EYS: variants seen among roughly 807,000 people sequenced by gnomAD.
The protein encoded by EYS is EGF-like photoreceptor maintenance factor, also known as protein eyes shut homolog.
EYS carries 250 observed loss-of-function variants against 282.1 expected under a neutral mutation model. That is an observed-to-expected ratio of 0.89 (90% confidence interval 0.80 to 0.98). The LOEUF (loss-of-function observed/expected upper bound fraction) is 0.98. Ranked by LOEUF, EYS falls within the 50% of genes least tolerant of loss-of-function variation. The pLI is 0.00. For missense variants in EYS, 4,016 were observed against 3,709.0 expected (o/e 1.08, Z -2.15); for synonymous variants, 1,355 against 1,282.9 (o/e 1.06, Z -1.20).
intron 35 of EYS, among the ~76,000 whole-genome samples, chr6:63,906,836 T>A (rs781320318): frequency 6.6e-6 from 1 of 151,912 alleles, no homozygotes; most frequent in Non-Finnish European, 1.5e-5. Flanking sequence ...GATATACATA[T>A]ACTATGTAAA....
chr6:64,543,570 C>A (rs1764754455), intron 26 of EYS, among the ~76,000 whole-genome samples: 1 of 152,044 alleles, frequency 6.6e-6, no homozygotes, highest in Non-Finnish European at 1.5e-5. Flanking sequence ...GGCTTAAAGG[C>A]TCTATCACAA....
At chr6:65,448,288 C>A in intron 5 of EYS, among the ~76,000 whole-genome samples, 1 of 151,936 alleles carries the variant, frequency 6.6e-6, no homozygotes, top group Middle Eastern at 3.2e-3. Context: ...GGAATTTGGA[C>A]AATATTCAAT....
chr6:64,715,818 C>T (rs945379134), intron 22 of EYS, among the ~76,000 whole-genome samples: 3 of 152,190 alleles, frequency 2.0e-5, no homozygotes, highest in South Asian at 4.1e-4. Context: ...TTGCCCCTGA[C>T]GTCACAGCTT....
At chr6:64,822,125 C>T (rs981885508) in intron 20 of EYS, among the ~76,000 whole-genome samples, 1 of 152,032 alleles carries the variant, frequency 6.6e-6, no homozygotes, top group African/African-American at 2.4e-5. Flanking sequence ...CATGATGCAT[C>T]TGTGATGCAT....
At chr6:65,233,165 G>GT (rs1394878925) in intron 12 of EYS, among the ~76,000 whole-genome samples, 1 of 152,078 alleles carries the variant, frequency 6.6e-6, no homozygotes, top group Non-Finnish European at 1.5e-5. Context: ...AATTTACCAT[G>GT]TAGGCCCCAT....
At chr6:64,608,400 T>G (rs962120301) in intron 24 of EYS, among the ~76,000 whole-genome samples, 5 of 152,116 alleles carry the variant, frequency 3.3e-5, no homozygotes, top group African/African-American at 1.2e-4. Flanking sequence ...GCCACAAAAA[T>G]AATTGATGAA....
intron 22 of EYS, chr6:64,729,138 A>G (rs906714243): frequency 6.6e-6 from 1 of 152,276 alleles, no homozygotes; most frequent in African/African-American, 2.4e-5. Flanking sequence ...GAGTGGGAAA[A>G]CAGGAATACA....
At chr6:65,205,635 T>C (rs1766016330) in intron 12 of EYS, among the ~76,000 whole-genome samples, 1 of 151,914 alleles carries the variant, frequency 6.6e-6, no homozygotes, top group African/African-American at 2.4e-5. Context: ...TTTGACCATA[T>C]GCTTGGTCAT....
chr6:63,991,364 C>T (rs749705276), intron 34 of EYS, among the ~76,000 whole-genome samples: 1 of 151,540 alleles, frequency 6.6e-6, no homozygotes, highest in African/African-American at 2.4e-5. Flanking sequence ...ATCAAAGGAA[C>T]AAAATAGATC....
chr6:64,613,788 G>T (rs1767182622), intron 24 of EYS, among the ~76,000 whole-genome samples: 1 of 152,180 alleles, frequency 6.6e-6, no homozygotes, highest in South Asian at 2.1e-4. Context: ...ATGCTACAGG[G>T]TTCTCACAGT....
chr6:64,510,048 G>A (rs1302055938), intron 26 of EYS, among the ~76,000 whole-genome samples: 1 of 152,024 alleles, frequency 6.6e-6, no homozygotes, highest in East Asian at 1.9e-4. Flanking sequence ...ATTTAGTCTA[G>A]CAGCAAATGG....
chr6:65,341,219 C>T (rs1770190197), intron 10 of EYS, among the ~76,000 whole-genome samples: 1 of 150,900 alleles, frequency 6.6e-6, no homozygotes, highest in Non-Finnish European at 1.5e-5. Flanking sequence ...TTTATTGTCA[C>T]CTTTTAAAAA....
intron 5 of EYS, among the ~76,000 whole-genome samples, chr6:65,431,033 T>C (rs539623709): frequency 2.8e-4 from 42 of 152,278 alleles, no homozygotes; most frequent in African/African-American, 9.9e-4. Flanking sequence ...TGTCTTACAC[T>C]TTAGATACGA....
intron 1 of EYS, among the ~76,000 whole-genome samples, chr6:65,680,588 T>C (rs914478822): frequency 1.3e-5 from 2 of 152,006 alleles, no homozygotes; most frequent in East Asian, 3.9e-4. Flanking sequence ...TATCTTGAAA[T>C]TCCTTTATTA....
intron 24 of EYS, among the ~76,000 whole-genome samples, chr6:64,610,772 T>C (rs1272640949): frequency 6.6e-6 from 1 of 152,208 alleles, no homozygotes; most frequent in Non-Finnish European, 1.5e-5. Context: ...TTATTTTAAA[T>C]ATTCTACTTC....
chr6:64,299,968 A>C (rs6454779), intron 30 of EYS, among the ~76,000 whole-genome samples: 1 of 151,958 alleles, frequency 6.6e-6, no homozygotes, highest in South Asian at 2.1e-4. Context: ...CGCTATCACC[A>C]GGCCAAAATA....
At chr6:65,033,896 A>C (rs1303896910) in intron 13 of EYS, among the ~76,000 whole-genome samples, 4 of 152,190 alleles carry the variant, frequency 2.6e-5, no homozygotes, top group African/African-American at 9.6e-5. Flanking sequence ...GTGCCTGGAA[A>C]AGCTGCAAGA....
At chr6:65,261,475 A>C in intron 12 of EYS, among the ~76,000 whole-genome samples, 1 of 152,018 alleles carries the variant, frequency 6.6e-6, no homozygotes, top group East Asian at 1.9e-4. Flanking sequence ...GTGTTTAATA[A>C]AAGACTGACA....
chr6:64,346,453 CA>C (rs1185726830), intron 29 of EYS, among the ~76,000 whole-genome samples: 2 of 150,772 alleles, frequency 1.3e-5, no homozygotes, highest in South Asian at 2.1e-4. Flanking sequence ...ATCACAAGGA[CA>C]AAAAACCAAA....
Sources: allele counts gnomAD v4.1 joint callset (sites outside exome capture counted in the v4.1 genomes callset), GRCh38; gene constraint gnomAD v4.1.1; transcripts MANE v1.5; gene names NCBI Gene and HGNC (gene_info 2026-07-23, HGNC 2026-07-21).